KRT6A: variants seen among roughly 807,000 people sequenced by gnomAD.
KRT6A encodes the protein keratin 6A, also known as keratin, type II cytoskeletal 6A.
Under a neutral mutation model 48.6 loss-of-function variants are expected in KRT6A, and 28 were observed. The observed-to-expected ratio is 0.58, with a 90% CI of 0.43 to 0.79. KRT6A has a LOEUF of 0.79. KRT6A is among the 30% of genes least tolerant of loss of function. The pLI, the probability that KRT6A is intolerant of heterozygous loss-of-function variation, is 0.00. For synonymous variants in KRT6A, 301 were observed against 294.2 expected (o/e 1.02, Z -0.24); for missense variants, 687 against 724.3 (o/e 0.95, Z 0.59).
intron 5 of KRT6A, 185 bp downstream of exon 5, chr12:52,490,384 T>C (rs1316624737): frequency 2.8e-6 from 3 of 1,085,570 alleles, no homozygotes; most frequent in East Asian, 5.0e-5. Flanking sequence ...TCCTCCTGCA[T>C]TGGGTTCTTT....
Position 52,492,911 on chromosome 12 carries a change from A to C in KRT6A, c.278T>G (p.Phe93Cys). The C allele has an allele frequency of 6.2e-7, 1 of 1,605,016 alleles. No homozygotes were observed. The highest frequency in any genetic ancestry group is 8.5e-7 in the Non-Finnish European group (1 of 1,176,122). ...YGSRAGGSYG[F>C]GGAGSGFGFG... is the part of the protein sequence containing the mutation. ...ACCAAATCCACTCCCGGCGCCACCA[A>C]AGCCATAGCTGCCTCCGGCTCTGCT... Residue 93 changes from phenylalanine (F) to cysteine (C), a missense_variant, in exon 1 of 9, where the codon TTT becomes TGT. Phe to Cys is a radical substitution (Grantham distance 205). Coordinates refer to ENST00000330722, the MANE Select transcript of KRT6A (RefSeq NM_005554.4).
chr12:52,487,466 A>C lies in KRT6A; in HGVS notation c.*254T>G. The stretch of plus-strand genomic sequence containing the variant: ...AGAACACTGGAGGCAAGAAATTAAT[A>C]ATTTAGTAACAGTGAAGCTCCAGTG... On this transcript the variant is annotated 3_prime_UTR_variant, in exon 9 of 9. Transcript: ENST00000330722. 1 of 543,998 alleles carries C rather than the reference A, an allele frequency of 1.8e-6. No individual in the cohort carries two copies. Among genetic ancestry groups the C allele is most frequent in the Non-Finnish European group, 3.2e-6 (1 of 311,102 alleles). 33.7% of individuals were successfully genotyped at this position (543,998 alleles called of 1,614,324 possible).
intron 1 of KRT6A, among the ~76,000 whole-genome samples, chr12:52,492,202 G>T (rs1005337280): frequency 1.3e-5 from 2 of 152,132 alleles, no homozygotes; most frequent in East Asian, 1.9e-4. Flanking sequence ...TTGTTTTGAG[G>T]ATTAATTAAC....
chr12:52,492,434 T>C (rs998849296), intron 1 of KRT6A, among the ~76,000 whole-genome samples: 11 of 152,280 alleles, frequency 7.2e-5, no homozygotes, highest in East Asian at 3.9e-4. Context: ...AAAGTTATGG[T>C]TCTCCCTAGG....
Position 52,490,659 on chromosome 12 carries a change from G to A in KRT6A, c.987C>T (p.Asp329=), listed in dbSNP as rs1938243524. The A allele has an allele frequency of 6.2e-7, 1 of 1,614,070 alleles. No individual in the cohort carries two copies. Among genetic ancestry groups the A allele is most frequent in the South Asian group, 1.1e-5 (1 of 91,084 alleles). The change falls in exon 5 of 9, where the codon GAC becomes GAT. Residue 329 remains aspartate, a synonymous_variant. Coordinates refer to ENST00000330722, the MANE Select transcript of KRT6A (RefSeq NM_005554.4). ...TGACCTCAGCGATGATGCTGTCCAG[G>A]TCCAGGTTGCGGTTGTTGTCCATGG... ...VLSMDNNRNL[D]LDSIIAEVKA...
chr12:52,488,686 T>TG (rs1938197580), intron 6 of KRT6A, 138 bp from the exon 7 acceptor site: 2 of 673,728 alleles, frequency 3.0e-6, no homozygotes, highest in Non-Finnish European at 4.0e-6. Context: ...TATCTATTGT[T>TG]TTTTTTTTTA....
rs919019847 is a variant in KRT6A, at chr12:52,490,249, C to T, written c.1078-181G>A. The T allele has an allele frequency of 1.5e-5, 18 of 1,204,468 alleles. No homozygotes were observed. The African/African-American group carries it at 1.7e-4, about 11-fold the overall frequency. The allele number at this position is 1,204,468 out of a possible 1,614,324, so 74.6% of individuals were successfully genotyped here. On this transcript the variant is annotated intron_variant, in intron 5 of 8. Transcript: ENST00000330722. ...AAACACTGGAGTCACAGACCATCCT[C>T]ATTATGGCACCACTGCCTGCCTAGT...
rs1938270090 is a variant in KRT6A at position 52,491,722 on chromosome 12, C to T, written c.555G>A (p.Glu185=). 5 of 1,614,104 alleles carry T rather than the reference C, an allele frequency of 3.1e-6. No individual in the cohort carries two copies. The highest frequency in any genetic ancestry group is 2.2e-5 in the South Asian group (2 of 91,094). Residue 185 remains glutamate (E), a synonymous_variant, in exon 2 of 9, where the codon GAG becomes GAA. Coordinates refer to ENST00000330722, the MANE Select transcript of KRT6A (RefSeq NM_005554.4). ...ASFIDKVRFL[E]QQNKVLETKW... ...TTGTTTCCAGAACCTTGTTCTGCTG[C>T]TCCAGGAACCGCACCTGAAAGAGAG...
At chr12:52,489,425 C>T (rs549301095) in intron 6 of KRT6A, among the ~76,000 whole-genome samples, 14 of 152,154 alleles carry the variant, frequency 9.2e-5, no homozygotes, top group South Asian at 2.1e-4. Context: ...ACTACAGGCA[C>T]GCTCCACCAT....
In KRT6A at chr12:52,491,526, T is replaced by C. The variant is rs1938261545; in HGVS notation, c.751A>G (p.Asn251Asp). The C allele has an allele frequency of 2.5e-6, 4 of 1,614,188 alleles. No homozygotes were observed. The East Asian group carries it at 8.9e-5, about 36-fold the overall frequency. Residue 251 changes from asparagine to aspartate, a missense_variant, in exon 2 of 9, where the codon AAC becomes GAC. Physicochemically the swap from Asn to Asp is conservative, Grantham distance 23. Coordinates refer to ENST00000330722, the MANE Select transcript of KRT6A (RefSeq NM_005554.4). ...GMQDLVEDFK[N>D]KYEDEINKRT... ...CATTTCTCCTGTTTAACTCACTTGT[T>C]CTTGAAGTCCTCCACCAGGTCCTGC...
intron 7 of KRT6A, 56 bp from the exon 8 acceptor site, chr12:52,488,159 C>A (rs1938182909): frequency 6.2e-7 from 1 of 1,613,920 alleles, no homozygotes; most frequent in African/African-American, 1.3e-5. Flanking sequence ...CTTCCCTGGA[C>A]CAGCGTGGGC....
Position 52,487,913 on chromosome 12 carries a change from C to T in KRT6A, c.1502G>A (p.Ser501Asn). The change falls in exon 9 of 9, where the codon AGT (serine) becomes AAT (asparagine). Residue 501 changes from serine (S) to asparagine (N), a missense_variant. This residue lies in a region of KRT6A where 566 missense variants were observed against 565.3 expected (regional missense o/e 1.00). Transcript: ENST00000330722. Reference protein sequence around the residue: ...STVSSGYGGASGVGSGLGLGG... With the variant: ...STVSSGYGGANGVGSGLGLGG... ...CAGGCCTAAGCCACTGCCGACACCA[C>T]TGGCACCGCCATAGCCACTGGAGAC... The T allele has an allele frequency of 1.2e-6, 2 of 1,614,096 alleles. No homozygotes were observed. The highest frequency in any genetic ancestry group is 2.2e-5 in the East Asian group (1 of 44,874).
chr12:52,491,297 C>G lies in KRT6A; in HGVS notation c.756-125G>C, dbSNP rs576606705. 6 of 1,569,106 alleles carry G rather than the reference C, an allele frequency of 3.8e-6. No homozygotes were observed. In the South Asian group the frequency reaches 5.6e-5, roughly 15 times the overall value. On this transcript the variant is annotated intron_variant, in intron 2 of 8. Coordinates refer to ENST00000330722, the MANE Select transcript of KRT6A (RefSeq NM_005554.4). ...ATTGGGCTTTCCTGCCACAGAGAGC[C>G]TAAGAGACGATTTTTGCTTCTGCTA...
rs778326332 is a variant in KRT6A at position 52,488,527 on chromosome 12, T to A, written c.1225A>T (p.Ile409Phe). 1 of 1,614,078 alleles carries A rather than the reference T, an allele frequency of 6.2e-7. No individual in the cohort carries two copies. Among genetic ancestry groups the A allele is most frequent in the Non-Finnish European group, 8.5e-7 (1 of 1,180,008 alleles). The change falls in exon 7 of 9, where the codon ATT becomes TTT. Residue 409 changes from isoleucine (I) to phenylalanine (F), a missense_variant. Ile to Phe is a conservative substitution (Grantham distance 21). Around this residue, in one of 3 missense-constraint regions of KRT6A, gnomAD observed 566 missense variants for 565.3 expected, o/e 1.00. Transcript: ENST00000330722. ...KKQCANLQAA[I>F]ADAEQRGEMA... ...TCCCCACGCTGCTCAGCATCAGCAATGGCGGCCTGCAGGTTGGCGCACTGG... is the reference window on the plus strand; with the variant it reads ...TCCCCACGCTGCTCAGCATCAGCAAAGGCGGCCTGCAGGTTGGCGCACTGG...
At position 52,490,686 on chromosome 12, in the gene KRT6A, C is replaced by G. The variant is rs370500; in HGVS notation, c.960G>C (p.Leu320=). 9.9e-6 allele frequency: 16 copies of G among 1,614,220 alleles called. No individual in the cohort carries two copies. In the Middle Eastern group the frequency reaches 1.2e-3, roughly 116 times the overall value. ...QTHISDTSVV[L]SMDNNRNLDL... is the part of the protein sequence containing the mutation. Reference sequence around the variant, plus strand: ...CCAGGTTGCGGTTGTTGTCCATGGACAGCACCACAGATGTGTCTGAGATGT... The same window carrying G: ...CCAGGTTGCGGTTGTTGTCCATGGAGAGCACCACAGATGTGTCTGAGATGT... The change falls in exon 5 of 9, where the codon CTG becomes CTC. Residue 320 remains leucine (L), a synonymous_variant. Coordinates refer to ENST00000330722, the MANE Select transcript of KRT6A (RefSeq NM_005554.4).
rs181234451 is a variant in KRT6A, at chr12:52,487,559, G to T, written c.*161C>A. On this transcript the variant is annotated 3_prime_UTR_variant, in exon 9 of 9. Transcript: ENST00000330722. The stretch of plus-strand genomic sequence containing the variant: ...GAGCAATGGGTGCTCAGATGGTATA[G>T]AGAGAGAGAGAAGAAGTGAGGGCAC... 4.6e-5 allele frequency: 34 copies of T among 741,700 alleles called. No individual in the cohort carries two copies. In the East Asian group the frequency reaches 4.8e-4, roughly 11 times the overall value. The allele number at this position is 741,700 out of a possible 1,614,324, so 45.9% of individuals were successfully genotyped here. A position where few individuals can be genotyped will look rare whatever the true frequency, so the allele number is the denominator to read the frequency against.
intron 6 of KRT6A, among the ~76,000 whole-genome samples, chr12:52,488,772 T>A (rs3907935): frequency 0.31 from 47,096 of 151,968 alleles, 8,033 homozygotes; most frequent in African/African-American, 0.45. Flanking sequence ...TGTGGGAGAA[T>A]GTGGATATTT....
At position 52,487,598 on chromosome 12, in the gene KRT6A, C is replaced by T. The variant is rs1938167380; in HGVS notation, c.*122G>A. ...AAGTGAGGGCACTAAGCATCCATACCCAGCTCTACCTGGGACAGCAGGGGA... is the reference window on the plus strand; with the variant it reads ...AAGTGAGGGCACTAAGCATCCATACTCAGCTCTACCTGGGACAGCAGGGGA... On this transcript the variant is annotated 3_prime_UTR_variant, in exon 9 of 9. Transcript: ENST00000330722. 5.6e-6 allele frequency: 7 copies of T among 1,254,372 alleles called. No homozygotes were observed. Among genetic ancestry groups the T allele is most frequent in the African/African-American group, 1.5e-5 (1 of 66,870 alleles). 77.7% of individuals were successfully genotyped at this position (1,254,372 alleles called of 1,614,324 possible).
In KRT6A at chr12:52,488,428, C is replaced by T. The variant is rs1211631300; in HGVS notation, c.1324G>A (p.Ala442Thr). 6.2e-7 allele frequency: 1 copy of T among 1,614,184 alleles called. No homozygotes were observed. The highest frequency in any genetic ancestry group is 8.5e-7 in the Non-Finnish European group (1 of 1,180,050). ...TCCTGGTACTCCTTCAGCAGCCGGGCCAGGTCCTGCTTGGCCTTCTGCAGG... is the reference window on the plus strand; with the variant it reads ...TCCTGGTACTCCTTCAGCAGCCGGGTCAGGTCCTGCTTGGCCTTCTGCAGG... ...DALQKAKQDL[A>T]RLLKEYQELM... is the part of the protein sequence containing the mutation. Residue 442 changes from alanine (A) to threonine (T), a missense_variant, in exon 7 of 9, where the codon GCC (alanine) becomes ACC (threonine). Around this residue, in one of 3 missense-constraint regions of KRT6A, gnomAD observed 566 missense variants for 565.3 expected, o/e 1.00. Coordinates refer to ENST00000330722, the MANE Select transcript of KRT6A (RefSeq NM_005554.4).
Sources: allele counts gnomAD v4.1 joint callset (sites outside exome capture counted in the v4.1 genomes callset), GRCh38; gene constraint gnomAD v4.1.1; regional missense constraint gnomAD v4.1.1; transcripts MANE v1.5; gene names NCBI Gene and HGNC (gene_info 2026-07-23, HGNC 2026-07-21).